Variants in ST7 observed in about 807,000 individuals in gnomAD.
ST7 encodes the protein suppressor of tumorigenicity 7 protein.
A neutral mutation model predicts 78.7 loss-of-function variants in ST7; 28 were observed. The observed-to-expected ratio is 0.36, with a 90% CI of 0.26 to 0.49. The LOEUF is 0.49. ST7 is among the 20% of genes least tolerant of loss of function. The pLI, the probability that ST7 is intolerant of heterozygous loss-of-function variation, is 0.99. For missense variants in ST7, 418 were observed against 696.0 expected (o/e 0.60, Z 4.49); for synonymous variants, 247 against 249.6 (o/e 0.99, Z 0.10).
intron 1 of ST7, among the ~76,000 whole-genome samples, chr7:117,042,218 C>A (rs1797268053): frequency 6.6e-6 from 1 of 152,092 alleles, no homozygotes; most frequent in Non-Finnish European, 1.5e-5. Context: ...CAATTACTTT[C>A]TTTTTAAAAA....
intron 1 of ST7, among the ~76,000 whole-genome samples, chr7:116,961,067 A>C (rs533359001): frequency 6.6e-6 from 1 of 152,314 alleles, no homozygotes; most frequent in African/African-American, 2.4e-5. Flanking sequence ...TTGAATAGGC[A>C]ATCCTTCTCC....
chr7:117,157,470 G>A (rs868660151), intron 9 of ST7, among the ~76,000 whole-genome samples: 10 of 152,120 alleles, frequency 6.6e-5, no homozygotes, highest in African/African-American at 2.4e-4. Flanking sequence ...GAATGTCAGA[G>A]GTTGGAGTAC....
chr7:117,138,623 G>A, intron 9 of ST7, 91 bp downstream of exon 9: 1 of 888,588 alleles, frequency 1.1e-6, no homozygotes, highest in Non-Finnish European at 1.8e-6. Context: ...ATGGTGTGGT[G>A]GTCCCATGGG....
Position 117,209,817 on chromosome 7 carries a change from C to T in ST7, c.1285C>T (p.Pro429Ser), listed in dbSNP as rs1160725602. The stretch of plus-strand genomic sequence containing the variant: ...ACTAGAAATGAAAAGCTTAATCCTA[C>T]CCCCAGAACATATCCTGAAGAGAGG... ...YLLEMKSLIL[P>S]PEHILKRGDS... Residue 429 changes from proline to serine, a missense_variant, in exon 13 of 16, where the codon CCC becomes TCC. Physicochemically the swap from Pro to Ser is moderately conservative, Grantham distance 74. Transcript: ENST00000323984. 6.2e-7 allele frequency: 1 copy of T among 1,613,862 alleles called. No homozygotes were observed. The highest frequency in any genetic ancestry group is 1.7e-5 in the Admixed American group (1 of 59,990).
At chr7:117,053,852 T>G (rs1375137381) in intron 1 of ST7, among the ~76,000 whole-genome samples, 3 of 2,032 alleles carry the variant, frequency 1.5e-3, no homozygotes, top group Non-Finnish European at 2.2e-3. Flanking sequence ...ACTAGACGGT[T>G]TTTTTTTTTT....
intron 1 of ST7, among the ~76,000 whole-genome samples, chr7:116,978,580 A>G (rs1034076369): frequency 2.6e-5 from 4 of 152,020 alleles, no homozygotes; most frequent in Non-Finnish European, 5.9e-5. Context: ...CTATCTATCT[A>G]TCTATCTATC....
At chr7:117,208,141 G>T (rs1791951281) in intron 12 of ST7, among the ~76,000 whole-genome samples, 1 of 152,016 alleles carries the variant, frequency 6.6e-6, no homozygotes, top group Non-Finnish European at 1.5e-5. Context: ...GGATTGCTGT[G>T]TAATTCTCTA....
intron 9 of ST7, among the ~76,000 whole-genome samples, chr7:117,165,031 T>G (rs1329443214): frequency 6.6e-6 from 1 of 152,068 alleles, no homozygotes; most frequent in Non-Finnish European, 1.5e-5. Context: ...GAAAAGGTAT[T>G]CCAGGTGGTG....
intron 1 of ST7, among the ~76,000 whole-genome samples, chr7:117,024,816 A>C (rs10240500): frequency 0.98 from 149,557 of 152,230 alleles, 73,531 homozygotes; most frequent in East Asian, 1. Context: ...TAGCTACATC[A>C]CCTGGGGTAG....
intron 12 of ST7, among the ~76,000 whole-genome samples, chr7:117,206,052 A>G (rs1217827854): frequency 2.0e-5 from 3 of 152,216 alleles, no homozygotes; most frequent in African/African-American, 4.8e-5. Context: ...CATGTTGAGA[A>G]CTGATCTTGC....
At chr7:117,134,278 C>T in intron 7 of ST7, 86 bp downstream of exon 7, 3 of 1,582,694 alleles carry the variant, frequency 1.9e-6, no homozygotes, top group Admixed American at 1.7e-5. Flanking sequence ...CCCATCACCA[C>T]ACTTTCTTGC....
At chr7:117,196,186 T>C (rs532778987) in intron 12 of ST7, among the ~76,000 whole-genome samples, 80 of 152,354 alleles carry the variant, frequency 5.3e-4, no homozygotes, top group African/African-American at 1.9e-3. Flanking sequence ...ATTTAGGTTA[T>C]TTCCATCTCT....
chr7:117,078,375 G>A (rs2116582755), intron 1 of ST7, among the ~76,000 whole-genome samples: 1 of 152,336 alleles, frequency 6.6e-6, no homozygotes, highest in South Asian at 2.1e-4. Flanking sequence ...AGTTTTAGGA[G>A]CATTGCTCAT....
chr7:117,136,016 C>G (rs116974576), intron 7 of ST7, 65 bp from the exon 8 acceptor site: 1 of 1,558,778 alleles, frequency 6.4e-7, no homozygotes, highest in Non-Finnish European at 8.7e-7. Context: ...TCTGCATGAG[C>G]TCCTACAGTC....
At chr7:117,207,371 T>G (rs1791869903) in intron 12 of ST7, among the ~76,000 whole-genome samples, 1 of 152,074 alleles carries the variant, frequency 6.6e-6, no homozygotes, top group South Asian at 2.1e-4. Context: ...CTTGAACTCC[T>G]GACCTCGTGA....
chr7:117,226,547 C>G (rs1793456848), intron 15 of ST7, among the ~76,000 whole-genome samples: 1 of 152,210 alleles, frequency 6.6e-6, no homozygotes, highest in African/African-American at 2.4e-5. Context: ...GACTGATTTT[C>G]AAACATGCGC....
intron 12 of ST7, among the ~76,000 whole-genome samples, chr7:117,196,624 C>CTTTTTTTTTTTTTT (rs56133709): frequency 3.4e-5 from 2 of 59,504 alleles, no homozygotes; most frequent in African/African-American, 1.3e-4. Flanking sequence ...GATTGTTGGG[C>CTTTTTTTTTTTTTT]TTTTTTTTTT....
chr7:117,177,641 C>A (rs1445664611), intron 10 of ST7, among the ~76,000 whole-genome samples: 1 of 152,176 alleles, frequency 6.6e-6, no homozygotes, highest in Non-Finnish European at 1.5e-5. Context: ...TCCCCCTGCC[C>A]CAAATTACTA....
At chr7:117,165,481 G>A (rs2117237617) in intron 9 of ST7, among the ~76,000 whole-genome samples, 1 of 152,240 alleles carries the variant, frequency 6.6e-6, no homozygotes, top group South Asian at 2.1e-4. Flanking sequence ...GTAACTCAAT[G>A]GCCTGAAGTA....
Sources: allele counts gnomAD v4.1 joint callset (sites outside exome capture counted in the v4.1 genomes callset), GRCh38; gene constraint gnomAD v4.1.1; transcripts MANE v1.5; gene names NCBI Gene and HGNC (gene_info 2026-07-23, HGNC 2026-07-21).